Variants in GRIP1 observed in about 807,000 individuals in gnomAD.
GRIP1 encodes the protein glutamate receptor-interacting protein 1.
A neutral mutation model predicts 129.9 loss-of-function variants in GRIP1; 45 were observed. That is an observed-to-expected ratio of 0.35 (90% CI 0.27 to 0.44). GRIP1 has a LOEUF of 0.44. Among genes scored for constraint, GRIP1 ranks in the 20% least tolerant of loss-of-function variants. GRIP1 has a pLI of 1.00. For synonymous variants in GRIP1, 530 were observed against 520.8 expected, an observed-to-expected ratio of 1.02 and a Z score of -0.24; for missense variants, 1,196 against 1,396.8, an observed-to-expected ratio of 0.86 and a Z score of 2.29.
intron 2 of GRIP1, among the ~76,000 whole-genome samples, chr12:66,590,192 C>T (rs1164509570): frequency 3.3e-5 from 5 of 152,194 alleles, no homozygotes; most frequent in Admixed American, 2.6e-4. Flanking sequence ...CAAAGGGGTA[C>T]CCAAACGGGG....
intron 2 of GRIP1, among the ~76,000 whole-genome samples, chr12:66,548,100 A>G (rs974411162): frequency 3.9e-5 from 6 of 152,224 alleles, no homozygotes; most frequent in African/African-American, 1.4e-4. Flanking sequence ...ACATGCAGCT[A>G]GAATTGAGGA....
At chr12:66,473,449 G>C (rs148961281) in intron 7 of GRIP1, among the ~76,000 whole-genome samples, 1 of 152,018 alleles carries the variant, frequency 6.6e-6, no homozygotes, top group African/African-American at 2.4e-5. Context: ...GAGAGCAGCA[G>C]ATCTCCCAGC....
intron 22 of GRIP1, among the ~76,000 whole-genome samples, chr12:66,373,385 G>A (rs927885861): frequency 1.3e-5 from 2 of 152,170 alleles, no homozygotes; most frequent in African/African-American, 2.4e-5. Flanking sequence ...CACCACGCCT[G>A]GCCATTCCTC....
In GRIP1 at chr12:66,347,768, A is replaced by ATT. The variant is rs2054039896; in HGVS notation, c.*1250_*1251insAA. 2.0e-5 allele frequency: 3 copies of ATT among 146,734 alleles called. No homozygotes were observed. The highest frequency in any genetic ancestry group is 4.5e-5 in the Non-Finnish European group (3 of 67,076). 9.1% of individuals were successfully genotyped at this position (146,734 alleles called of 1,614,324 possible). A position where few individuals can be genotyped will look rare whatever the true frequency, so the allele number is the denominator to read the frequency against. On this transcript the variant is annotated 3_prime_UTR_variant, in exon 25 of 25. Coordinates refer to ENST00000359742, the MANE Select transcript of GRIP1 (RefSeq NM_001366722.1). ...CAAAAAGAAAGGTGATTTTTTTTTT[A>ATT]TATTTCCTTAAACAAAGGACACAGT...
intron 4 of GRIP1, among the ~76,000 whole-genome samples, chr12:66,530,777 GC>G (rs2139107748): frequency 6.6e-6 from 1 of 151,782 alleles, no homozygotes; most frequent in African/African-American, 2.4e-5. Flanking sequence ...TTATCATTAT[GC>G]ACAGAGAAAT....
At chr12:66,876,091 A>G (rs1243923684) in intron 1 of GRIP1, among the ~76,000 whole-genome samples, 2 of 152,094 alleles carry the variant, frequency 1.3e-5, no homozygotes, top group Non-Finnish European at 2.9e-5. Context: ...TTAGACAACA[A>G]GAAAAGTATG....
At chr12:66,561,345 T>C (rs894825319) in intron 2 of GRIP1, among the ~76,000 whole-genome samples, 11 of 152,154 alleles carry the variant, frequency 7.2e-5, no homozygotes, top group African/African-American at 2.7e-4. Flanking sequence ...GGATTGTTTG[T>C]AGCACAAAGG....
chr12:66,913,077 G>A (rs182884058), intron 1 of GRIP1, among the ~76,000 whole-genome samples: 502 of 152,248 alleles, frequency 3.3e-3, no homozygotes, highest in Non-Finnish European at 4.8e-3. Flanking sequence ...CAAACAAGTC[G>A]GCCGCCACAG....
intron 1 of GRIP1, among the ~76,000 whole-genome samples, chr12:66,823,318 T>C (rs1160776339): frequency 3.9e-5 from 6 of 152,208 alleles, no homozygotes; most frequent in Non-Finnish European, 7.3e-5. Flanking sequence ...ATTTGGTACA[T>C]GTTGGTAATG....
rs529660575 is a variant in GRIP1 at position 66,670,452 on chromosome 12, G to C, written c.55+8398C>G. ...ATGATCCACTGGAAATCCTACGTTA[G>C]CAGTGGCGCTCATAACTTCATACAG... On this transcript the variant is annotated intron_variant, in intron 1 of 24. Transcript: ENST00000359742. Among the ~76,000 whole-genome samples the C allele has an allele frequency of 8.5e-5, 13 of 152,296 alleles. No homozygotes were observed. The South Asian group carries it at 2.7e-3, about 32-fold the overall frequency.
At chr12:66,936,482 A>G (rs1029122448) in intron 1 of GRIP1, among the ~76,000 whole-genome samples, 2 of 149,904 alleles carry the variant, frequency 1.3e-5, no homozygotes, top group East Asian at 2.0e-4. Flanking sequence ...TGTGTTCTAG[A>G]CTCTTCCAGA....
intron 1 of GRIP1, among the ~76,000 whole-genome samples, chr12:66,644,610 C>G (rs1565936964): frequency 6.6e-6 from 1 of 152,178 alleles, no homozygotes; most frequent in Non-Finnish European, 1.5e-5. Context: ...ACACCACTTT[C>G]ACACTCAATC....
intron 1 of GRIP1, among the ~76,000 whole-genome samples, chr12:67,050,370 A>G (rs2043323929): frequency 6.6e-6 from 1 of 151,420 alleles, no homozygotes; most frequent in African/African-American, 2.5e-5. Flanking sequence ...TTGATATAGG[A>G]CCAGCTTTAT....
chr12:66,541,508 C>T (rs2061780118), intron 3 of GRIP1, among the ~76,000 whole-genome samples: 1 of 152,202 alleles, frequency 6.6e-6, no homozygotes, highest in Non-Finnish European at 1.5e-5. Flanking sequence ...AGCTTGTCTG[C>T]TGTTCAGTGG....
chr12:67,014,139 C>T (rs2042749886), intron 1 of GRIP1, among the ~76,000 whole-genome samples: 1 of 152,168 alleles, frequency 6.6e-6, no homozygotes, highest in Non-Finnish European at 1.5e-5. Context: ...ACCCAGTCAG[C>T]CTCTAAACTT....
Position 66,379,372 on chromosome 12 carries a change from T to C in GRIP1, c.2529A>G (p.Arg843=), listed in dbSNP as rs2055987128. 2.5e-6 allele frequency: 4 copies of C among 1,614,076 alleles called. No homozygotes were observed. Among genetic ancestry groups the C allele is most frequent in the Non-Finnish European group, 3.4e-6 (4 of 1,179,940 alleles). Residue 843 remains arginine, a synonymous_variant, in exon 20 of 25, where the codon AGA becomes AGG. Coordinates refer to ENST00000359742, the MANE Select transcript of GRIP1 (RefSeq NM_001366722.1). Reference sequence around the variant, plus strand: ...GCTTAGTGACTGGGGACAAGCTGCCTCTCTGTTTTGGACTCCTCCAGTCAT... The same window carrying C: ...GCTTAGTGACTGGGGACAAGCTGCCCCTCTGTTTTGGACTCCTCCAGTCAT... ...NTYDWRSPKQ[R]GSLSPVTKPR... is the part of the protein sequence containing the mutation.
chr12:66,831,451 G>A (rs1359516994), intron 1 of GRIP1, among the ~76,000 whole-genome samples: 1 of 152,178 alleles, frequency 6.6e-6, no homozygotes, highest in Non-Finnish European at 1.5e-5. Context: ...GAAGGTAAGA[G>A]TCATGAAGCT....
intron 1 of GRIP1, among the ~76,000 whole-genome samples, chr12:66,738,006 G>A (rs930328705): frequency 5.3e-5 from 8 of 152,090 alleles, no homozygotes; most frequent in Non-Finnish European, 1.2e-4. Context: ...TGGGAAGGAG[G>A]GCAGACAGAA....
upstream of GRIP1, chr12:66,679,106 C>T (rs938867353): frequency 1.4e-6 from 2 of 1,471,494 alleles, no homozygotes; most frequent in Non-Finnish European, 9.0e-7. Flanking sequence ...CTACTACTAC[C>T]ACCCCTGCCT....
Sources: allele counts gnomAD v4.1 joint callset (sites outside exome capture counted in the v4.1 genomes callset), GRCh38; gene constraint gnomAD v4.1.1; transcripts MANE v1.5; gene names NCBI Gene and HGNC (gene_info 2026-07-23, HGNC 2026-07-21).